PSD3: variants seen among roughly 807,000 people sequenced by gnomAD.
The protein encoded by PSD3 is pleckstrin and Sec7 domain containing 3, also known as PH and SEC7 domain-containing protein 3.
In PSD3, 49 loss-of-function variants were observed where a neutral mutation model predicts 105.5. The ratio of observed to expected loss-of-function variants is 0.46; its 90% CI spans 0.37 to 0.59. The LOEUF (loss-of-function observed/expected upper bound fraction) is 0.59, where lower values mean the gene tolerates loss of function less well. PSD3 is among the 20% of genes least tolerant of loss of function. The pLI is 0.00. For synonymous variants in PSD3, 557 were observed against 457.8 expected, an observed-to-expected ratio of 1.22 and a Z score of -2.77; for missense variants, 1,561 against 1,263.8, an observed-to-expected ratio of 1.24 and a Z score of -3.57.
At chr8:19,063,039 A>G (rs1169623859) in intron 1 of PSD3, among the ~76,000 whole-genome samples, 1 of 152,256 alleles carries the variant, frequency 6.6e-6, no homozygotes, top group African/African-American at 2.4e-5. Context: ...GGACTTGAAG[A>G]ATACAGATTT....
chr8:18,879,301 G>T (rs2410581), intron 2 of PSD3, among the ~76,000 whole-genome samples: 6 of 152,022 alleles, frequency 3.9e-5, no homozygotes, highest in Admixed American at 1.3e-4. Context: ...CAGATAAGAG[G>T]GAGACAGGGC....
chr8:18,755,349 G>A (rs1267374650), intron 9 of PSD3, among the ~76,000 whole-genome samples: 1 of 152,022 alleles, frequency 6.6e-6, no homozygotes, highest in East Asian at 1.9e-4. Flanking sequence ...AGAATCGCCT[G>A]AACCTAGGAG....
chr8:18,559,656 G>A (rs1321904303), intron 14 of PSD3, among the ~76,000 whole-genome samples: 1 of 151,968 alleles, frequency 6.6e-6, no homozygotes, highest in Non-Finnish European at 1.5e-5. Context: ...TTGGATCTAT[G>A]CAAATATGCT....
chr8:19,056,212 A>G (rs1307428611), intron 1 of PSD3, among the ~76,000 whole-genome samples: 1 of 152,248 alleles, frequency 6.6e-6, no homozygotes, highest in Non-Finnish European at 1.5e-5. Context: ...TAGAATCTAT[A>G]ACTTAAAAAA....
At chr8:18,898,840 C>G (rs1255298182) in intron 2 of PSD3, among the ~76,000 whole-genome samples, 1 of 152,024 alleles carries the variant, frequency 6.6e-6, no homozygotes, top group Non-Finnish European at 1.5e-5. Context: ...GTCCTCATCT[C>G]AAGGATGGGA....
chr8:18,941,909 G>A (rs1437867006), intron 1 of PSD3, among the ~76,000 whole-genome samples: 1 of 152,018 alleles, frequency 6.6e-6, no homozygotes, highest in Non-Finnish European at 1.5e-5. Context: ...CTGACCTCAG[G>A]TGATCCGCCC....
intron 11 of PSD3, among the ~76,000 whole-genome samples, chr8:18,631,939 T>C (rs1469994058): frequency 6.6e-6 from 1 of 152,014 alleles, no homozygotes; most frequent in Non-Finnish European, 1.5e-5. Context: ...TATATCAAAT[T>C]GCTATTTCAC....
At chr8:18,996,122 A>C (rs572069978) in intron 1 of PSD3, among the ~76,000 whole-genome samples, 18 of 152,046 alleles carry the variant, frequency 1.2e-4, no homozygotes, top group African/African-American at 4.3e-4. Flanking sequence ...TTAAATTCTT[A>C]CTCTTATTAC....
intron 12 of PSD3, 74 bp from the exon 13 acceptor site, chr8:18,575,359 C>T (rs758506487): frequency 6.6e-6 from 9 of 1,371,220 alleles, no homozygotes; most frequent in Non-Finnish European, 8.7e-6. Context: ...AAAGCAAAAA[C>T]TAAAAAAATA....
chr8:18,787,211 A>G (rs1411823495), intron 8 of PSD3, among the ~76,000 whole-genome samples: 4 of 152,244 alleles, frequency 2.6e-5, no homozygotes, highest in Non-Finnish European at 1.5e-5. Flanking sequence ...TTTGCATAAA[A>G]GTAGTTCTGC....
At chr8:19,077,067 T>C (rs372172565) in intron 1 of PSD3, among the ~76,000 whole-genome samples, 170 of 152,336 alleles carry the variant, frequency 1.1e-3, no homozygotes, top group African/African-American at 3.6e-3. Context: ...TGTTATAGGA[T>C]ATTGGAAATG....
chr8:18,542,392 G>GT (rs2129982402), intron 15 of PSD3, among the ~76,000 whole-genome samples: 1 of 152,264 alleles, frequency 6.6e-6, no homozygotes, highest in East Asian at 1.9e-4. Flanking sequence ...AGTTCTCTGG[G>GT]TCAGAGGATA....
At chr8:18,705,931 T>C (rs779471723) in intron 9 of PSD3, among the ~76,000 whole-genome samples, 4 of 152,192 alleles carry the variant, frequency 2.6e-5, no homozygotes, top group Admixed American at 6.5e-5. Flanking sequence ...CTACTGCATA[T>C]CCTACTCCCA....
At chr8:18,917,649 TC>T (rs1192662632) in intron 2 of PSD3, among the ~76,000 whole-genome samples, 2 of 152,142 alleles carry the variant, frequency 1.3e-5, no homozygotes, top group African/African-American at 4.8e-5. Context: ...ACTTACCATA[TC>T]CTTTTATTAC....
At chr8:18,659,580 G>A (rs1037485067) in intron 9 of PSD3, among the ~76,000 whole-genome samples, 11 of 152,128 alleles carry the variant, frequency 7.2e-5, no homozygotes, top group Admixed American at 1.3e-4. Flanking sequence ...TTATAGCATC[G>A]TATATGCCTG....
chr8:18,757,491 G>C (rs949454267), intron 9 of PSD3, among the ~76,000 whole-genome samples: 2 of 151,702 alleles, frequency 1.3e-5, no homozygotes, highest in African/African-American at 4.8e-5. Context: ...AACATTAACT[G>C]CGTAGAGAAA....
chr8:18,578,928 G>C (rs952707176), intron 12 of PSD3, among the ~76,000 whole-genome samples: 1 of 152,032 alleles, frequency 6.6e-6, no homozygotes, highest in African/African-American at 2.4e-5. Flanking sequence ...GTGGAAGACA[G>C]GATCTATTTA....
At chr8:19,049,706 A>C (rs1828451010) in intron 1 of PSD3, among the ~76,000 whole-genome samples, 1 of 150,572 alleles carries the variant, frequency 6.6e-6, no homozygotes, top group East Asian at 1.9e-4. Flanking sequence ...AAAAAAAAAA[A>C]AAAAAAAAAA....
At chr8:18,725,478 A>C (rs1372300614) in intron 9 of PSD3, among the ~76,000 whole-genome samples, 1 of 152,150 alleles carries the variant, frequency 6.6e-6, no homozygotes, top group Non-Finnish European at 1.5e-5. Flanking sequence ...CAAGCGGGCT[A>C]GCTTTTGATT....
Sources: allele counts gnomAD v4.1 joint callset (sites outside exome capture counted in the v4.1 genomes callset), GRCh38; gene constraint gnomAD v4.1.1; transcripts MANE v1.5; gene names NCBI Gene and HGNC (gene_info 2026-07-23, HGNC 2026-07-21).